The following RYR3 variants were observed in gnomAD, a reference collection of about 807,000 sequenced individuals.
RYR3 encodes the protein brain ryanodine receptor-calcium release channel.
A neutral mutation model predicts 584.3 loss-of-function variants in RYR3; 207 were observed. The observed-to-expected ratio is 0.35, with a 90% CI of 0.32 to 0.40. The LOEUF is 0.40. RYR3 is among the 10% of genes least tolerant of loss of function. RYR3 has a pLI of 1.00. For missense variants in RYR3, 5,616 were observed against 6,089.2 expected (o/e 0.92, Z 2.59); for synonymous variants, 2,416 against 2,248.5 (o/e 1.07, Z -2.11).
chr15:33,636,825 A>T (rs1174194754), intron 27 of RYR3, among the ~76,000 whole-genome samples: 1 of 152,224 alleles, frequency 6.6e-6, no homozygotes, highest in South Asian at 2.1e-4. Flanking sequence ...GCATTTTAAG[A>T]TTCTCCAGGT....
rs538015164 is a variant in RYR3, at chr15:33,425,831, AC to A, written c.52-47587del. On this transcript the variant is annotated intron_variant, in intron 1 of 103. Coordinates refer to ENST00000634891, the MANE Select transcript of RYR3 (RefSeq NM_001036.6). ...TAATTTTTTTGTATTTTTAGTAGAG[AC>A]GGGGTTTCACCGTGTTAGCCAGGAT... 3.4e-3 allele frequency among the ~76,000 whole-genome samples: 517 copies of A among 151,904 alleles called. 9 individuals are homozygous for A. Among genetic ancestry groups the A allele is most frequent in the Admixed American group, 0.029 (442 of 15,262 alleles).
chr15:33,800,346 C>A (rs183483659), intron 67 of RYR3, among the ~76,000 whole-genome samples: 9 of 152,292 alleles, frequency 5.9e-5, no homozygotes, highest in Admixed American at 5.9e-4. Flanking sequence ...TGTCCAGGAC[C>A]AGGTTAGATG....
intron 1 of RYR3, among the ~76,000 whole-genome samples, chr15:33,374,519 G>C (rs1208086739): frequency 6.6e-6 from 1 of 152,008 alleles, no homozygotes; most frequent in African/African-American, 2.4e-5. Flanking sequence ...TGAACAGTCT[G>C]TAGCAAAAGG....
rs745872271 is a variant in RYR3, at chr15:33,818,566, T to C, written c.10600-12T>C. The C allele has an allele frequency of 6.3e-7, 1 of 1,595,816 alleles. No individual in the cohort carries two copies. The highest frequency in any genetic ancestry group is 8.6e-7 in the Non-Finnish European group (1 of 1,163,456). ...ATTCATGCCTAAAACCTATCTGTGT[T>C]GGTTTGTGTAGAAATCTCCAAAGGT... is the stretch of plus-strand genomic sequence containing the variant. On this transcript the variant is annotated splice_polypyrimidine_tract_variant and intron_variant, in intron 75 of 103. Coordinates refer to ENST00000634891, the MANE Select transcript of RYR3 (RefSeq NM_001036.6).
In RYR3 at chr15:33,498,991, C is replaced by T. The variant is rs113092856; in HGVS notation, c.172-4640C>T. 2.0e-3 allele frequency among the ~76,000 whole-genome samples: 312 copies of T among 152,228 alleles called. 4 individuals are homozygous for T. The highest frequency in any genetic ancestry group is 3.4e-3 in the African/African-American group (140 of 41,540). ...TCAAAAATCCGTTTAGCCTTCTTAA[C>T]ACTGGACCTGCAATTCTTTCAAAGA... is the stretch of plus-strand genomic sequence containing the variant. On this transcript the variant is annotated intron_variant, in intron 2 of 103. Coordinates refer to ENST00000634891, the MANE Select transcript of RYR3 (RefSeq NM_001036.6).
At chr15:33,579,903 G>T in intron 12 of RYR3, 73 bp from the exon 13 acceptor site, 1 of 1,240,012 alleles carries the variant, frequency 8.1e-7, no homozygotes. Flanking sequence ...TGTTAGGAGT[G>T]GGACCCAGTG....
intron 1 of RYR3, among the ~76,000 whole-genome samples, chr15:33,313,379 C>T (rs1346988050): frequency 1.3e-5 from 2 of 152,166 alleles, no homozygotes; most frequent in African/African-American, 2.4e-5. Flanking sequence ...TAAGAATATA[C>T]CTAAGAACAT....
intron 32 of RYR3, 109 bp from the exon 33 acceptor site, chr15:33,659,611 C>G: frequency 1.4e-6 from 1 of 711,616 alleles, no homozygotes; most frequent in South Asian, 1.6e-5. Context: ...AATGACCAGA[C>G]AGCTAGCAGT....
chr15:33,484,556 C>G (rs532566709), intron 2 of RYR3, among the ~76,000 whole-genome samples: 70 of 152,268 alleles, frequency 4.6e-4, no homozygotes, highest in Non-Finnish European at 9.0e-4. Flanking sequence ...AAAACATAGA[C>G]TTGTGATCAT....
intron 38 of RYR3, among the ~76,000 whole-genome samples, chr15:33,676,802 G>A (rs925859774): frequency 1.3e-5 from 2 of 152,204 alleles, no homozygotes; most frequent in African/African-American, 4.8e-5. Context: ...AAAACTCATT[G>A]TATTGGGCTC....
chr15:33,575,779 GGAGATA>G lies in RYR3; in HGVS notation c.1269-4192_1269-4187del, dbSNP rs1193178537. Among the ~76,000 whole-genome samples the G allele has an allele frequency of 2.0e-5, 3 of 151,384 alleles. No individual in the cohort carries two copies. The East Asian group carries it at 5.8e-4, about 29-fold the overall frequency. ...TAACCAAGATCAGGGCAGAACTAAA[GGAGATA>G]GAGACACAGAAAGCCCTTCAGAGCA... On this transcript the variant is annotated intron_variant, in intron 12 of 103. Coordinates refer to ENST00000634891, the MANE Select transcript of RYR3 (RefSeq NM_001036.6).
Position 33,699,234 on chromosome 15 carries a change from CTG to C in RYR3, c.6250-468_6250-467del, listed in dbSNP as rs1252797254. The stretch of plus-strand genomic sequence containing the variant: ...CACCTGTGTCTGTCTGTCTGTCTGT[CTG>C]TCTCTCTCTCTCTCTCTCCCCCCCT... On this transcript the variant is annotated intron_variant, in intron 40 of 103. Transcript: ENST00000634891. Among the ~76,000 whole-genome samples, 14 of 111,074 alleles carry C rather than the reference CTG, an allele frequency of 1.3e-4. No homozygotes were observed. In the East Asian group the frequency reaches 1.6e-3, roughly 12 times the overall value. The allele number at this position is 111,074 out of a possible 152,430, so 72.9% of individuals were successfully genotyped here.
chr15:33,465,228 T>C (rs2596162), intron 1 of RYR3, among the ~76,000 whole-genome samples: 95,672 of 152,064 alleles, frequency 0.63, 31,227 homozygotes, highest in African/African-American at 0.83. Flanking sequence ...TTGAGATACT[T>C]ATCACATTTT....
At chr15:33,461,795 C>T (rs1019479200) in intron 1 of RYR3, among the ~76,000 whole-genome samples, 2 of 152,176 alleles carry the variant, frequency 1.3e-5, no homozygotes, top group Non-Finnish European at 2.9e-5. Flanking sequence ...TTCTTCTGGT[C>T]CTGAATTATG....
In RYR3 at chr15:33,724,104, T is replaced by C. The variant is rs766170008; in HGVS notation, c.6840T>C (p.His2280=). ...ATGAAGAGGAAGAAGAAATCGTGCA[T>C]ATGGGCAATGCAATTATGTCATTTT... ...GDDEEEEEIV[H]MGNAIMSFYS... The change falls in exon 45 of 104, where the codon CAT becomes CAC. Residue 2280 remains histidine (H), a synonymous_variant. Coordinates refer to ENST00000634891, the MANE Select transcript of RYR3 (RefSeq NM_001036.6). 23 of 1,612,942 alleles carry C rather than the reference T, an allele frequency of 1.4e-5. 1 individual carries two copies. The South Asian group carries it at 2.1e-4, about 15-fold the overall frequency.
At chr15:33,666,388 C>T (rs1054553366) in intron 36 of RYR3, among the ~76,000 whole-genome samples, 2 of 152,124 alleles carry the variant, frequency 1.3e-5, no homozygotes, top group Admixed American at 6.5e-5. Flanking sequence ...AATGCTGATA[C>T]TGCTGGTCTG....
chr15:33,862,700 T>A (rs1888796701), intron 102 of RYR3, among the ~76,000 whole-genome samples: 1 of 151,120 alleles, frequency 6.6e-6, no homozygotes, highest in African/African-American at 2.4e-5. Flanking sequence ...AGCCTCCACC[T>A]CCTGGATTCA....
At chr15:33,815,056 C>T (rs567288275) in intron 74 of RYR3, among the ~76,000 whole-genome samples, 30 of 142,756 alleles carry the variant, frequency 2.1e-4, no homozygotes, top group Non-Finnish European at 4.1e-4. Context: ...GGTGACAGAA[C>T]GAGACTCTGT....
In RYR3 at chr15:33,845,002, C is replaced by T. The variant is rs377281161; in HGVS notation, c.13437C>T (p.Ala4479=). 15 of 1,613,860 alleles carry T rather than the reference C, an allele frequency of 9.3e-6. No individual in the cohort carries two copies. The highest frequency in any genetic ancestry group is 1.3e-5 in the Non-Finnish European group (15 of 1,179,900). The change falls in exon 93 of 104, where the codon GCC becomes GCT. Residue 4479 remains alanine (A), a synonymous_variant. Coordinates refer to ENST00000634891, the MANE Select transcript of RYR3 (RefSeq NM_001036.6). ...STGYMAPTLR[A]LAIIHTIISL... ...GGTATATGGCACCAACCCTGCGTGCCCTGGCCATCATCCATACCATCATCT... is the reference window on the plus strand; with the variant it reads ...GGTATATGGCACCAACCCTGCGTGCTCTGGCCATCATCCATACCATCATCT...
Sources: gnomAD v4.1 joint callset for allele counts (sites outside exome capture counted in the v4.1 genomes callset) on GRCh38, gnomAD v4.1.1 for gene constraint, MANE v1.5 for transcripts, NCBI Gene and HGNC (gene_info 2026-07-23, HGNC 2026-07-21) for gene names.